ATXN2: variants seen among roughly 807,000 people sequenced by gnomAD.
ATXN2 encodes ataxin 2, also known as ataxin-2.
A neutral mutation model predicts 138.6 loss-of-function variants in ATXN2; 37 were observed. The ratio of observed to expected loss-of-function variants is 0.27; its 90% confidence interval spans 0.21 to 0.35. The LOEUF (loss-of-function observed/expected upper bound fraction) is 0.35, where lower values mean the gene tolerates loss of function less well. Among genes scored for constraint, ATXN2 ranks in the 10% least tolerant of loss-of-function variants. The pLI is 1.00. For synonymous variants in ATXN2, 549 were observed against 543.7 expected, an observed-to-expected ratio of 1.01 and a Z score of -0.13; for missense variants, 1,216 against 1,480.3, an observed-to-expected ratio of 0.82 and a Z score of 2.93.
intron 14 of ATXN2, among the ~76,000 whole-genome samples, chr12:111,503,496 A>G (rs548042991): frequency 1.5e-4 from 23 of 152,360 alleles, no homozygotes; most frequent in African/African-American, 5.5e-4. Context: ...GCAATAAAAC[A>G]TAAGAGAATA....
At chr12:111,486,111 GAAGT>G (rs1266288663) in intron 16 of ATXN2, among the ~76,000 whole-genome samples, 3 of 152,092 alleles carry the variant, frequency 2.0e-5, no homozygotes, top group South Asian at 2.1e-4. Flanking sequence ...GAAACTGATG[GAAGT>G]GTTTTTAAAA....
intron 11 of ATXN2, chr12:111,511,766 C>A (rs1310722453): frequency 6.6e-6 from 1 of 151,796 alleles, no homozygotes; most frequent in African/African-American, 2.4e-5. Context: ...GCCTGACCGG[C>A]TGAAGAAGAT....
intron 23 of ATXN2, chr12:111,455,030 T>C (rs1388226727): frequency 2.8e-6 from 2 of 702,952 alleles, no homozygotes; most frequent in East Asian, 5.4e-5. Flanking sequence ...CCCAGAGCTG[T>C]GGAACTCTAC....
At position 111,541,444 on chromosome 12, in the gene ATXN2, C is replaced by T. The variant is rs923125852; in HGVS notation, c.571+10836G>A. Among the ~76,000 whole-genome samples the T allele has an allele frequency of 1.1e-4, 16 of 145,344 alleles. 1 individual carries two copies. Among genetic ancestry groups the T allele is most frequent in the South Asian group, 6.6e-4 (3 of 4,580 alleles). Reference sequence around the variant, plus strand: ...TCGGCTCACTGCAACCTCCACCTCCCGAGTTCAAGCGATTCTCCTGCCTCA... The same window carrying T: ...TCGGCTCACTGCAACCTCCACCTCCTGAGTTCAAGCGATTCTCCTGCCTCA... On this transcript the variant is annotated intron_variant, in intron 5 of 24. Coordinates refer to ENST00000673436, the MANE Select transcript of ATXN2 (RefSeq NM_001372574.1).
Position 111,453,176 on chromosome 12 carries a change from G to A in ATXN2, c.3440-336C>T. The A allele has an allele frequency of 8.8e-7, 1 of 1,134,740 alleles. No individual in the cohort carries two copies. Among genetic ancestry groups the A allele is most frequent in the Non-Finnish European group, 1.1e-6 (1 of 924,610 alleles). The allele number at this position is 1,134,740 out of a possible 1,614,324, so 70.3% of individuals were successfully genotyped here. A position where few individuals can be genotyped will look rare whatever the true frequency, so the allele number is the denominator to read the frequency against. ...GGTCAGACTGTGAAGTATCGCCATGGCAGCCATCAAGTAGTAGAGCACAAT... is the reference window on the plus strand; with the variant it reads ...GGTCAGACTGTGAAGTATCGCCATGACAGCCATCAAGTAGTAGAGCACAAT... On this transcript the variant is annotated intron_variant, in intron 24 of 24. Coordinates refer to ENST00000673436, the MANE Select transcript of ATXN2 (RefSeq NM_001372574.1). This position sits in a 1 kb window ranked among gnomAD's most constrained non-coding sequence, Gnocchi z 5.4.
Position 111,599,147 on chromosome 12 carries a change from C to T in ATXN2, c.-113G>A, listed in dbSNP as rs1323400435. 2 of 1,211,078 alleles carry T rather than the reference C, an allele frequency of 1.7e-6. No homozygotes were observed. Among genetic ancestry groups the T allele is most frequent in the Non-Finnish European group, 2.0e-6 (2 of 975,898 alleles). The allele number at this position is 1,211,078 out of a possible 1,614,324, so 75.0% of individuals were successfully genotyped here. A position where few individuals can be genotyped will look rare whatever the true frequency, so the allele number is the denominator to read the frequency against. The stretch of plus-strand genomic sequence containing the variant: ...CGCGCGGGCGCCGAGCGGGGAGGCG[C>T]GGGTTGGCGCGGCCGGAGGGGCGCC... On this transcript the variant is annotated 5_prime_UTR_variant, in exon 1 of 25. Transcript: ENST00000673436.
intron 1 of ATXN2, among the ~76,000 whole-genome samples, chr12:111,573,254 G>A (rs1176648705): frequency 6.6e-6 from 1 of 152,012 alleles, no homozygotes; most frequent in Non-Finnish European, 1.5e-5. Context: ...GTGCAATGGA[G>A]CGATCTCAGC....
intron 5 of ATXN2, among the ~76,000 whole-genome samples, chr12:111,532,786 C>A (rs1029202471): frequency 6.7e-6 from 1 of 149,890 alleles, no homozygotes; most frequent in African/African-American, 2.5e-5. Context: ...GAGCCTCTGC[C>A]ATGAATAAAG....
At chr12:111,463,387 A>AG (rs1445003389) in intron 21 of ATXN2, among the ~76,000 whole-genome samples, 1 of 151,954 alleles carries the variant, frequency 6.6e-6, no homozygotes, top group African/African-American at 2.4e-5. Flanking sequence ...CTCCACCTCC[A>AG]GGGTTCATGG....
At chr12:111,521,800 A>G (rs2033673518) in intron 6 of ATXN2, among the ~76,000 whole-genome samples, 1 of 152,188 alleles carries the variant, frequency 6.6e-6, no homozygotes, top group Non-Finnish European at 1.5e-5. Flanking sequence ...AAGTTTATTA[A>G]GAAAGTAAAT....
chr12:111,593,878 C>G (rs986795542), intron 1 of ATXN2, among the ~76,000 whole-genome samples: 52 of 152,126 alleles, frequency 3.4e-4, no homozygotes, highest in African/African-American at 1.2e-3. Flanking sequence ...AAGGATGATG[C>G]CATTTAAACC....
chr12:111,565,793 C>T (rs1292951274), intron 1 of ATXN2, among the ~76,000 whole-genome samples: 1 of 152,012 alleles, frequency 6.6e-6, no homozygotes, highest in African/African-American at 2.4e-5. Flanking sequence ...GCCAGGAGTT[C>T]GAGCCCAGCC....
At chr12:111,571,022 GC>G (rs1289856828) in intron 1 of ATXN2, among the ~76,000 whole-genome samples, 1 of 152,136 alleles carries the variant, frequency 6.6e-6, no homozygotes, top group African/African-American at 2.4e-5. Flanking sequence ...CTTATTACTT[GC>G]CAGGCATTGC....
At chr12:111,511,404 A>AT (rs1879506236) in intron 11 of ATXN2, 1 of 152,040 alleles carries the variant, frequency 6.6e-6, no homozygotes, top group African/African-American at 2.4e-5. Flanking sequence ...TATTCTCAAA[A>AT]TTTATTTCCA....
intron 5 of ATXN2, among the ~76,000 whole-genome samples, chr12:111,526,403 CTTTTTTTTT>C (rs778084602): frequency 7.3e-6 from 1 of 137,488 alleles, no homozygotes; most frequent in South Asian, 2.4e-4. Flanking sequence ...AAAAATATCT[CTTTTTTTTT>C]TTTTCTTTTT....
chr12:111,585,551 T>A (rs528953767), intron 1 of ATXN2, among the ~76,000 whole-genome samples: 16 of 149,870 alleles, frequency 1.1e-4, no homozygotes, highest in Admixed American at 3.3e-4. Context: ...ACGCCTGTGG[T>A]CCCGGCACTT....
intron 1 of ATXN2, among the ~76,000 whole-genome samples, chr12:111,563,881 A>G (rs2135802091): frequency 6.6e-6 from 1 of 152,296 alleles, no homozygotes; most frequent in Admixed American, 6.5e-5. Context: ...AATCAAATAT[A>G]CGATGCTGTT....
At chr12:111,464,247 GGTGTGTGTGTGTGTGTGTGTGT>G (rs57717176) in intron 21 of ATXN2, among the ~76,000 whole-genome samples, 1 of 134,630 alleles carries the variant, frequency 7.4e-6, no homozygotes, top group Admixed American at 7.5e-5. Flanking sequence ...TGTGGCTTGG[GGTGTGTGTGTGTGTGTGTGTGT>G]GTGTGTGTGT....
intron 3 of ATXN2, among the ~76,000 whole-genome samples, chr12:111,553,604 A>T (rs621900): frequency 0.017 from 1,475 of 84,992 alleles, 21 homozygotes; most frequent in East Asian, 0.032. Context: ...AAAAAAAAAA[A>T]TTTTTTTTTT....
Sources: allele counts gnomAD v4.1 joint callset (sites outside exome capture counted in the v4.1 genomes callset), GRCh38; gene constraint gnomAD v4.1.1; non-coding constraint Gnocchi (gnomAD v3.1); transcripts MANE v1.5; gene names NCBI Gene and HGNC (gene_info 2026-07-23, HGNC 2026-07-21).